Variants in TTC28 observed in about 807,000 individuals in gnomAD.
TTC28 encodes the protein tetratricopeptide repeat protein 28.
Under a neutral mutation model 198.0 loss-of-function variants are expected in TTC28, and 61 were observed. The observed-to-expected ratio is 0.31, with a 90% CI of 0.25 to 0.38. The LOEUF (loss-of-function observed/expected upper bound fraction) is 0.38. Ranked by LOEUF, TTC28 falls within the 10% of genes least tolerant of loss-of-function variation. The pLI, the probability that TTC28 is intolerant of heterozygous loss-of-function variation, is 1.00. For synonymous variants in TTC28, 1,171 were observed against 1,297.8 expected (o/e 0.90, Z 2.10); for missense variants, 2,678 against 3,164.0 (o/e 0.85, Z 3.69).
At chr22:28,162,647 G>A (rs1921344301) in intron 6 of TTC28, among the ~76,000 whole-genome samples, 2 of 152,176 alleles carry the variant, frequency 1.3e-5, no homozygotes, top group African/African-American at 4.8e-5. Flanking sequence ...CAGGATCCAA[G>A]GAAATATATC....
In TTC28 at chr22:28,223,056, A is replaced by C. The variant is rs139267943; in HGVS notation, c.934-59457T>G. Among the ~76,000 whole-genome samples the C allele has an allele frequency of 5.3e-5, 8 of 152,298 alleles. No individual in the cohort carries two copies. The East Asian group carries it at 1.5e-3, about 29-fold the overall frequency. ...TCCTTAGAGTCAGACTTTTGGAGAG[A>C]AAATATCCAGGAACTGAAAGGCCCT... is the stretch of plus-strand genomic sequence containing the variant. On this transcript the variant is annotated intron_variant, in intron 5 of 22. Transcript: ENST00000397906.
At chr22:28,652,598 T>A (rs1319136432) in intron 1 of TTC28, among the ~76,000 whole-genome samples, 1 of 152,218 alleles carries the variant, frequency 6.6e-6, no homozygotes, top group Non-Finnish European at 1.5e-5. Context: ...CCACAGGTAA[T>A]ACAGATGTCT....
chr22:28,028,789 T>G, intron 13 of TTC28: 1 of 338,284 alleles, frequency 3.0e-6, no homozygotes, highest in Non-Finnish European at 5.9e-6. Flanking sequence ...GTTCAGTGCC[T>G]TCCACACATT....
At chr22:28,411,105 GT>G (rs1185167665) in intron 2 of TTC28, among the ~76,000 whole-genome samples, 1 of 152,112 alleles carries the variant, frequency 6.6e-6, no homozygotes, top group Non-Finnish European at 1.5e-5. Context: ...AACAGGCAAA[GT>G]TTTTATATTC....
rs987942187 is a variant in TTC28, at chr22:27,996,340, C to G, written c.5120-81G>C. On this transcript the variant is annotated intron_variant, in intron 16 of 22. Transcript: ENST00000397906. ...CCCCGGCTTCCAGGGCTCACTTACG[C>G]CTCGAGGTTAACCCAGCAGAAAGAG... 11 of 1,506,086 alleles carry G rather than the reference C, an allele frequency of 7.3e-6. No individual in the cohort carries two copies. The African/African-American group carries it at 1.2e-4, about 17-fold the overall frequency. The allele number at this position is 1,506,086 out of a possible 1,614,324, so 93.3% of individuals were successfully genotyped here.
chr22:28,599,222 T>C (rs2050597115), intron 2 of TTC28, among the ~76,000 whole-genome samples: 1 of 152,274 alleles, frequency 6.6e-6, no homozygotes, highest in African/African-American at 2.4e-5. Context: ...TCCCTACTTC[T>C]AAATTGTATA....
At chr22:28,215,005 C>T (rs774547975) in intron 5 of TTC28, among the ~76,000 whole-genome samples, 13 of 152,050 alleles carry the variant, frequency 8.5e-5, no homozygotes, top group Non-Finnish European at 1.3e-4. Flanking sequence ...AGCTGGAAGC[C>T]GTCATTCTAA....
chr22:28,286,641 T>TA (rs1300299256), intron 5 of TTC28, among the ~76,000 whole-genome samples: 1 of 152,158 alleles, frequency 6.6e-6, no homozygotes, highest in Admixed American at 6.5e-5. Context: ...ATACATTACT[T>TA]ATGTAATGAT....
rs376814848 is a variant in TTC28 at position 28,619,893 on chromosome 22, G to A, written c.381+9659C>T. 7.9e-5 allele frequency among the ~76,000 whole-genome samples: 12 copies of A among 152,234 alleles called. No homozygotes were observed. The East Asian group carries it at 1.2e-3, about 15-fold the overall frequency. On this transcript the variant is annotated intron_variant, in intron 2 of 22. Coordinates refer to ENST00000397906, the MANE Select transcript of TTC28 (RefSeq NM_001145418.2). ...TACAAAGAAATTATGGGGACCATGC[G>A]CAAAGAAATCAACAGTTTACAAATA...
intron 12 of TTC28, among the ~76,000 whole-genome samples, chr22:28,071,038 T>TCAGG (rs1569119902): frequency 6.6e-6 from 1 of 151,932 alleles, no homozygotes; most frequent in Non-Finnish European, 1.5e-5. Context: ...GGCCCTGGTG[T>TCAGG]CAGGGCATGG....
At chr22:28,100,007 T>G (rs1942096853) in intron 9 of TTC28, among the ~76,000 whole-genome samples, 1 of 152,242 alleles carries the variant, frequency 6.6e-6, no homozygotes, top group Non-Finnish European at 1.5e-5. Context: ...ATTGTCCTGA[T>G]GCTCTAACAG....
intron 6 of TTC28, among the ~76,000 whole-genome samples, chr22:28,110,880 G>A (rs1453277696): frequency 1.3e-5 from 2 of 151,342 alleles, no homozygotes; most frequent in Non-Finnish European, 2.9e-5. Context: ...GGCTGCAGTA[G>A]GCCATGATCA....
chr22:28,549,206 G>A (rs186229140), intron 2 of TTC28, among the ~76,000 whole-genome samples: 93 of 151,584 alleles, frequency 6.1e-4, no homozygotes, highest in Non-Finnish European at 7.8e-4. Flanking sequence ...TTTTTTTATT[G>A]TTAGGAGAGA....
intron 2 of TTC28, among the ~76,000 whole-genome samples, chr22:28,544,185 T>A (rs545679969): frequency 6.6e-6 from 1 of 152,280 alleles, no homozygotes; most frequent in South Asian, 2.1e-4. Context: ...ACCACTGCAC[T>A]CCAGCCTGGG....
intron 2 of TTC28, among the ~76,000 whole-genome samples, chr22:28,602,835 C>A (rs2050662810): frequency 6.6e-6 from 1 of 152,152 alleles, no homozygotes; most frequent in Non-Finnish European, 1.5e-5. Context: ...GAATACATTG[C>A]AAAAATTAAC....
chr22:28,039,281 C>A (rs1489311443), intron 12 of TTC28, among the ~76,000 whole-genome samples: 1 of 152,118 alleles, frequency 6.6e-6, no homozygotes, highest in Non-Finnish European at 1.5e-5. Context: ...AAATGTCCAA[C>A]AATGATAGAC....
intron 1 of TTC28, among the ~76,000 whole-genome samples, chr22:28,648,424 A>T (rs2051511324): frequency 1.3e-5 from 2 of 152,212 alleles, no homozygotes; most frequent in Non-Finnish European, 2.9e-5. Context: ...ATCTGTGTAA[A>T]ACAGTATGGC....
At chr22:28,453,163 G>A (rs1206961120) in intron 2 of TTC28, among the ~76,000 whole-genome samples, 1 of 152,136 alleles carries the variant, frequency 6.6e-6, no homozygotes. Flanking sequence ...GATTCTATGA[G>A]CCACTCAACA....
chr22:28,219,066 C>T (rs1242215556), intron 5 of TTC28, among the ~76,000 whole-genome samples: 7 of 152,050 alleles, frequency 4.6e-5, no homozygotes, highest in Admixed American at 4.6e-4. Context: ...ATGAACCATA[C>T]TTTGAGAACC....
Sources: gnomAD v4.1 joint callset for allele counts (sites outside exome capture counted in the v4.1 genomes callset) on GRCh38, gnomAD v4.1.1 for gene constraint, MANE v1.5 for transcripts, NCBI Gene and HGNC (gene_info 2026-07-23, HGNC 2026-07-21) for gene names.